The following ATRNL1 variants were observed in gnomAD, a reference collection of about 807,000 sequenced individuals.
ATRNL1 encodes attractin-like protein 1.
In ATRNL1, 95 loss-of-function variants were observed where a neutral mutation model predicts 182.7. That is an observed-to-expected ratio of 0.52 (90% CI 0.44 to 0.62). The LOEUF (loss-of-function observed/expected upper bound fraction) is 0.62. ATRNL1 is among the 20% of genes least tolerant of loss of function. The pLI is 0.00. For missense variants in ATRNL1, 1,471 were observed against 1,679.5 expected, an observed-to-expected ratio of 0.88 and a Z score of 2.17; for synonymous variants, 576 against 568.3, an observed-to-expected ratio of 1.01 and a Z score of -0.19.
chr10:115,528,255 C>T (rs1485745335), intron 25 of ATRNL1, among the ~76,000 whole-genome samples: 1 of 151,700 alleles, frequency 6.6e-6, no homozygotes, highest in Non-Finnish European at 1.5e-5. Context: ...CCATTGAGTT[C>T]AGGGCTTCTT....
At chr10:115,204,063 T>C (rs942624857) in intron 8 of ATRNL1, among the ~76,000 whole-genome samples, 1 of 152,068 alleles carries the variant, frequency 6.6e-6, no homozygotes. Flanking sequence ...TTTTTAATGT[T>C]GTAAAGGGAT....
chr10:115,622,289 A>T (rs1041288470), intron 26 of ATRNL1, among the ~76,000 whole-genome samples: 11 of 152,220 alleles, frequency 7.2e-5, no homozygotes, highest in Non-Finnish European at 1.5e-4. Flanking sequence ...TTGTTTTGAA[A>T]CAAAGAGAAT....
At chr10:115,444,790 G>A (rs1327032740) in intron 21 of ATRNL1, among the ~76,000 whole-genome samples, 3 of 151,878 alleles carry the variant, frequency 2.0e-5, no homozygotes, top group African/African-American at 4.8e-5. Context: ...GGAATACAGT[G>A]GTGCCATCTT....
chr10:115,931,261 G>A (rs755279736), intron 28 of ATRNL1, among the ~76,000 whole-genome samples: 5 of 151,822 alleles, frequency 3.3e-5, no homozygotes, highest in African/African-American at 4.8e-5. Flanking sequence ...TTAGGATTTC[G>A]GATTAAGAGA....
chr10:115,241,685 T>C lies in ATRNL1; in HGVS notation c.1647T>C (p.Gly549=), dbSNP rs782769018. 9.9e-6 allele frequency: 16 copies of C among 1,611,162 alleles called. No individual in the cohort carries two copies. The East Asian group carries it at 2.0e-4, about 20-fold the overall frequency. Residue 549 remains glycine (G), a synonymous_variant, in exon 10 of 29, where the codon GGT becomes GGC. Transcript: ENST00000355044. The part of the protein sequence containing the change: ...NTHNDTSLSN[G]AKCFSADFLA... ...ATAATGACACTTCCTTGAGTAACGG[T>C]GCAAAATGTTTTTCTGCCGATTTCC...
chr10:115,442,433 G>A (rs545974632), intron 21 of ATRNL1, among the ~76,000 whole-genome samples: 1 of 151,748 alleles, frequency 6.6e-6, no homozygotes, highest in South Asian at 2.1e-4. Context: ...TTCCTTTTGT[G>A]TGCCTTTTGT....
chr10:115,901,274 G>C (rs1952343791), intron 28 of ATRNL1, among the ~76,000 whole-genome samples: 1 of 152,082 alleles, frequency 6.6e-6, no homozygotes, highest in Admixed American at 6.6e-5. Context: ...TGTCTCAATT[G>C]ATAAAATATG....
At chr10:115,567,572 A>T (rs1417500759) in intron 26 of ATRNL1, among the ~76,000 whole-genome samples, 1 of 152,208 alleles carries the variant, frequency 6.6e-6, no homozygotes, top group East Asian at 1.9e-4. Flanking sequence ...AATTGTTAAG[A>T]TTCATTTCAC....
intron 19 of ATRNL1, among the ~76,000 whole-genome samples, chr10:115,381,432 A>ATCTTTTTTTTTTTTTTTTTTTTTTT (rs1857992520): frequency 1.5e-5 from 1 of 68,550 alleles, no homozygotes; most frequent in African/African-American, 6.0e-5. Context: ...ATACCTGGCA[A>ATCTTTTTTTTTTTTTTTTTTTTTTT]TTTTTTTTTT....
intron 5 of ATRNL1, among the ~76,000 whole-genome samples, chr10:115,133,648 G>A (rs1845368028): frequency 6.6e-6 from 1 of 152,144 alleles, no homozygotes; most frequent in Non-Finnish European, 1.5e-5. Context: ...ATAGACAGAA[G>A]GTTAACAGCG....
At chr10:115,437,081 C>T (rs1280373896) in intron 21 of ATRNL1, among the ~76,000 whole-genome samples, 2 of 151,774 alleles carry the variant, frequency 1.3e-5, no homozygotes, top group African/African-American at 4.8e-5. Context: ...GAAGAAATGA[C>T]TTGATAAGAT....
At chr10:115,944,576 A>G (rs879947031) in intron 28 of ATRNL1, 82 bp from the exon 29 acceptor site, 1 of 1,204,408 alleles carries the variant, frequency 8.3e-7, no homozygotes, top group South Asian at 2.0e-5. Context: ...AAAAGCAATA[A>G]AAAGCAGGGC....
chr10:115,849,694 A>G (rs1223840516), intron 28 of ATRNL1, among the ~76,000 whole-genome samples: 3 of 152,186 alleles, frequency 2.0e-5, no homozygotes, highest in African/African-American at 7.2e-5. Context: ...GGTATTATAA[A>G]ACTAACATCA....
At chr10:115,478,040 C>T (rs1463990018) in intron 24 of ATRNL1, among the ~76,000 whole-genome samples, 2 of 151,648 alleles carry the variant, frequency 1.3e-5, no homozygotes, top group Non-Finnish European at 2.9e-5. Context: ...TCTTAAATTA[C>T]AAGTGATAGG....
rs570171585 is a variant in ATRNL1, at chr10:115,268,364, G to A, written c.2020G>A (p.Ala674Thr). 8.1e-6 allele frequency: 13 copies of A among 1,613,488 alleles called. No individual in the cohort carries two copies. The highest frequency in any genetic ancestry group is 1.1e-5 in the Non-Finnish European group (13 of 1,179,678). The change falls in exon 13 of 29, where the codon GCC becomes ACC. Residue 674 changes from alanine (A) to threonine (T), a missense_variant. Coordinates refer to ENST00000355044, the MANE Select transcript of ATRNL1 (RefSeq NM_207303.4). ...DDRCYRYADC[A>T]SCTANTNGCQ... ...CAGATGTTACAGATATGCAGATTGT[G>A]CCAGCTGTACTGCCAATACAAATGG...
chr10:115,327,060 C>T (rs1292749430), intron 18 of ATRNL1, among the ~76,000 whole-genome samples: 1 of 150,918 alleles, frequency 6.6e-6, no homozygotes, highest in Non-Finnish European at 1.5e-5. Context: ...AAAGCAATGG[C>T]AACAAAAGCC....
chr10:115,211,837 C>T (rs1307421652), intron 8 of ATRNL1, among the ~76,000 whole-genome samples: 1 of 150,250 alleles, frequency 6.7e-6, no homozygotes, highest in Non-Finnish European at 1.5e-5. Flanking sequence ...GTTCAATTCC[C>T]ACCTATGAGT....
At chr10:115,599,359 C>T (rs1204094968) in intron 26 of ATRNL1, among the ~76,000 whole-genome samples, 3 of 152,148 alleles carry the variant, frequency 2.0e-5, no homozygotes, top group African/African-American at 7.2e-5. Context: ...ATGAAAAAGG[C>T]AGCTAAATGA....
rs1953885728 is a variant in ATRNL1 at position 115,946,771 on chromosome 10, T to C, written c.*1992T>C. The C allele has an allele frequency of 6.6e-6, 1 of 152,160 alleles. No homozygotes were observed. The highest frequency in any genetic ancestry group is 1.9e-4 in the East Asian group (1 of 5,198). 9.4% of individuals were successfully genotyped at this position (152,160 alleles called of 1,614,324 possible). On this transcript the variant is annotated 3_prime_UTR_variant, in exon 29 of 29. Coordinates refer to ENST00000355044, the MANE Select transcript of ATRNL1 (RefSeq NM_207303.4). Reference sequence around the variant, plus strand: ...CTTCTCTCATGAAAAAATAAATTGATGAAACTAATGATTACAAAGATATAA... The same window carrying C: ...CTTCTCTCATGAAAAAATAAATTGACGAAACTAATGATTACAAAGATATAA...
Sources: allele counts gnomAD v4.1 joint callset (sites outside exome capture counted in the v4.1 genomes callset), GRCh38; gene constraint gnomAD v4.1.1; transcripts MANE v1.5; gene names NCBI Gene and HGNC (gene_info 2026-07-23, HGNC 2026-07-21).